ATP4A: variants seen among roughly 807,000 people sequenced by gnomAD.
ATP4A encodes potassium-transporting ATPase alpha chain 1.
A neutral mutation model predicts 112.1 loss-of-function variants in ATP4A; 73 were observed. The ratio of observed to expected loss-of-function variants is 0.65; its 90% confidence interval spans 0.54 to 0.79. The LOEUF is 0.79. Ranked by LOEUF, ATP4A falls within the 30% of genes least tolerant of loss-of-function variation. The probability of loss-of-function intolerance (pLI) is 0.00; values close to 1 mark genes in which losing one functional copy is unlikely to be tolerated. For synonymous variants in ATP4A, 588 were observed against 588.9 expected, an observed-to-expected ratio of 1.00 and a Z score of 0.02; for missense variants, 1,081 against 1,425.9, an observed-to-expected ratio of 0.76 and a Z score of 3.90.
At position 35,558,431 on chromosome 19, in the gene ATP4A, G is replaced by A; in HGVS notation, c.1431C>T (p.Asn477=). ...GGAAGCGGTCCCGGTAGCCCATGGC[G>A]TTGCCCAGCGTCAGCTCCGAGAACT... ...LLKFSELTLG[N]AMGYRDRFPK... Residue 477 remains asparagine (N), a synonymous_variant, in exon 10 of 22, where the codon AAC becomes AAT. Coordinates refer to ENST00000262623, the MANE Select transcript of ATP4A (RefSeq NM_000704.3). The surrounding 1 kb of genome is among the most constrained non-coding windows in gnomAD (Gnocchi z 5.1). The A allele has an allele frequency of 6.2e-7, 1 of 1,607,400 alleles. No homozygotes were observed. Among genetic ancestry groups the A allele is most frequent in the Non-Finnish European group, 8.5e-7 (1 of 1,177,312 alleles).
In ATP4A at chr19:35,553,809, T is replaced by C; in HGVS notation, c.2502A>G (p.Ala834=). The C allele has an allele frequency of 6.3e-7, 1 of 1,587,512 alleles. No homozygotes were observed. The highest frequency in any genetic ancestry group is 8.6e-7 in the Non-Finnish European group (1 of 1,166,702). ...TGATGTCACTCTCGGCCTTTTCATA[T>C]GCCAGGGACACAGATGGGAACTGGC... The part of the protein sequence containing the change: ...CTDIFPSVSL[A]YEKAESDIMH... The change falls in exon 17 of 22, where the codon GCA becomes GCG. Residue 834 remains alanine, a synonymous_variant. Transcript: ENST00000262623.
At position 35,555,628 on chromosome 19, in the gene ATP4A, T is replaced by C. The variant is rs1219791118; in HGVS notation, c.2007-38A>G. ...TGGGAGGACCTCGCTGGGACCTCGG[T>C]CTGTGCCAGATGTGGGGAGAACCCC... On this transcript the variant is annotated intron_variant, in intron 13 of 21. Coordinates refer to ENST00000262623, the MANE Select transcript of ATP4A (RefSeq NM_000704.3). This position sits in a 1 kb window ranked among gnomAD's most constrained non-coding sequence, Gnocchi z 6.6. 1.3e-6 allele frequency: 2 copies of C among 1,581,646 alleles called. No individual in the cohort carries two copies. Among genetic ancestry groups the C allele is most frequent in the East Asian group, 4.5e-5 (2 of 44,262 alleles).
In ATP4A at chr19:35,558,023, A is replaced by G; in HGVS notation, c.1501-176T>C. ...GGCCTTGTGTGGAGGGGTCCTTGGT[A>G]GAAGGTAAGCGTTAAGGCGGGGCTA... On this transcript the variant is annotated intron_variant, in intron 10 of 21. Coordinates refer to ENST00000262623, the MANE Select transcript of ATP4A (RefSeq NM_000704.3). The surrounding 1 kb of genome is among the most constrained non-coding windows in gnomAD (Gnocchi z 5.1). The G allele has an allele frequency of 1.6e-6, 1 of 627,480 alleles. No individual in the cohort carries two copies. The highest frequency in any genetic ancestry group is 2.7e-6 in the Non-Finnish European group (1 of 368,810). The allele number at this position is 627,480 out of a possible 1,614,324, so 38.9% of individuals were successfully genotyped here. A position where few individuals can be genotyped will look rare whatever the true frequency, so the allele number is the denominator to read the frequency against.
chr19:35,563,149 T>A, intron 3 of ATP4A, 60 bp downstream of exon 3: 1 of 1,551,322 alleles, frequency 6.4e-7, no homozygotes, highest in African/African-American at 1.4e-5. Flanking sequence ...CCTCCTTCCA[T>A]CTCCCTCTCC....
intron 17 of ATP4A, 35 bp downstream of exon 17, chr19:35,553,671 C>A: frequency 6.2e-7 from 1 of 1,609,956 alleles, no homozygotes; most frequent in Non-Finnish European, 8.5e-7. Flanking sequence ...CGCAGAGCCC[C>A]CCACCTCCAG....
chr19:35,557,168 A>AG lies in ATP4A; in HGVS notation c.1694-81dup. On this transcript the variant is annotated intron_variant, in intron 11 of 21. Coordinates refer to ENST00000262623, the MANE Select transcript of ATP4A (RefSeq NM_000704.3). This position sits in a 1 kb window ranked among gnomAD's most constrained non-coding sequence, Gnocchi z 4.4. The stretch of plus-strand genomic sequence containing the variant: ...GGGCCAGGAAATGGGTAAAATAACC[A>AG]GGCCCCTTGCACCAAACACCTATGG... The AG allele has an allele frequency of 6.5e-7, 1 of 1,527,126 alleles. No individual in the cohort carries two copies. Among genetic ancestry groups the AG allele is most frequent in the Non-Finnish European group, 9.0e-7 (1 of 1,113,598 alleles). 94.6% of individuals were successfully genotyped at this position (1,527,126 alleles called of 1,614,324 possible). A position where few individuals can be genotyped will look rare whatever the true frequency, so the allele number is the denominator to read the frequency against.
chr19:35,563,395 C>T lies in ATP4A; in HGVS notation c.145G>A (p.Glu49Lys), dbSNP rs759310167. ...RKEKLENMKK[E>K]MEINDHQLSV... ...CAGTCAGAGCTCACAATCTCCATCT[C>T]CTTCTTCATGTTCTCCAGCTTCTCC... Residue 49 changes from glutamate (E) to lysine (K), a missense_variant, in exon 2 of 22, where the codon GAG becomes AAG. By Grantham distance (56) the Glu-to-Lys change is moderately conservative (BLOSUM62 1). Transcript: ENST00000262623. 1.2e-6 allele frequency: 2 copies of T among 1,613,628 alleles called. No homozygotes were observed. Among genetic ancestry groups the T allele is most frequent in the Non-Finnish European group, 8.5e-7 (1 of 1,179,868 alleles).
At position 35,555,148 on chromosome 19, in the gene ATP4A, C is replaced by A; in HGVS notation, c.2326+18G>T. On this transcript the variant is annotated intron_variant, in intron 15 of 21. Transcript: ENST00000262623. This position sits in a 1 kb window ranked among gnomAD's most constrained non-coding sequence, Gnocchi z 6.6. ...CCTGTGCCCACACTGCCTGCCCTCC[C>A]CCTGGCGTGGCTCGGACCCTGCTCC... The A allele has an allele frequency of 6.2e-7, 1 of 1,614,148 alleles. No individual in the cohort carries two copies. Among genetic ancestry groups the A allele is most frequent in the Non-Finnish European group, 8.5e-7 (1 of 1,180,032 alleles).
At position 35,557,533 on chromosome 19, in the gene ATP4A, C is replaced by A. The variant is rs1031009631; in HGVS notation, c.1693+122G>T. ...GGAAAGTCAAGGGTGAGGCTGTGGA[C>A]TGCGACAAATCAGCCAGCAGCCAGG... On this transcript the variant is annotated intron_variant, in intron 11 of 21. Coordinates refer to ENST00000262623, the MANE Select transcript of ATP4A (RefSeq NM_000704.3). This position sits in a 1 kb window ranked among gnomAD's most constrained non-coding sequence, Gnocchi z 4.4. The A allele has an allele frequency of 6.5e-6, 8 of 1,228,400 alleles. No individual in the cohort carries two copies. Among genetic ancestry groups the A allele is most frequent in the African/African-American group, 4.5e-5 (3 of 66,134 alleles). The allele number at this position is 1,228,400 out of a possible 1,614,324, so 76.1% of individuals were successfully genotyped here.
At position 35,560,661 on chromosome 19, in the gene ATP4A, G is replaced by T; in HGVS notation, c.535-46C>A. ...AGTTGAGGTGGACGGGGGTGGGGGT[G>T]GGAGCTGCTGCATGTGGGGAGGTAA... On this transcript the variant is annotated intron_variant, in intron 5 of 21. Transcript: ENST00000262623. This position sits in a 1 kb window ranked among gnomAD's most constrained non-coding sequence, Gnocchi z 5.1. The T allele has an allele frequency of 2.5e-6, 4 of 1,572,666 alleles. No individual in the cohort carries two copies. The highest frequency in any genetic ancestry group is 1.1e-5 in the South Asian group (1 of 88,510).
At position 35,556,907 on chromosome 19, in the gene ATP4A, G is replaced by C; in HGVS notation, c.1869+6C>G. ...ACTCCACTTGTTCCTCCCCACAGTG[G>C]CATACCCGGATGCCTGCGGTGCGAC... On this transcript the variant is annotated splice_donor_region_variant and intron_variant, in intron 12 of 21. Coordinates refer to ENST00000262623, the MANE Select transcript of ATP4A (RefSeq NM_000704.3). 1 of 1,612,704 alleles carries C rather than the reference G, an allele frequency of 6.2e-7. No individual in the cohort carries two copies. The highest frequency in any genetic ancestry group is 8.5e-7 in the Non-Finnish European group (1 of 1,178,946).
At position 35,559,419 on chromosome 19, in the gene ATP4A, G is replaced by A. The variant is rs1445541354; in HGVS notation, c.1057-228C>T. 3.3e-5 allele frequency among the ~76,000 whole-genome samples: 5 copies of A among 152,240 alleles called. No individual in the cohort carries two copies. The highest frequency in any genetic ancestry group is 1.3e-4 in the Admixed American group (2 of 15,284). On this transcript the variant is annotated intron_variant, in intron 7 of 21. Transcript: ENST00000262623. The surrounding 1 kb of genome is among the most constrained non-coding windows in gnomAD (Gnocchi z 4.1). ...CAGTAGCGAGGCCCCTCTCTGAGCTGTCCCAGCCGAGGTTCTGAAAATTCT... is the reference window on the plus strand; with the variant it reads ...CAGTAGCGAGGCCCCTCTCTGAGCTATCCCAGCCGAGGTTCTGAAAATTCT...
rs140993241 is a variant in ATP4A, at chr19:35,563,445, G to A, written c.95C>T (p.Ala32Val). 1.1e-4 allele frequency: 143 copies of A among 1,351,980 alleles called. No individual in the cohort carries two copies. Among genetic ancestry groups the A allele is most frequent in the Middle Eastern group, 2.0e-4 (1 of 4,932 alleles). The allele number at this position is 1,351,980 out of a possible 1,614,324, so 83.7% of individuals were successfully genotyped here. A position where few individuals can be genotyped will look rare whatever the true frequency, so the allele number is the denominator to read the frequency against. ...MAAKMSKKKK[A>V]GGGGGKRKEK... The stretch of plus-strand genomic sequence containing the variant: ...CTTCCTCTTGCCACCCCCGCCACCC[G>A]CCTTCTTCTTCTTGCTCATCTTGGC... The change falls in exon 2 of 22, where the codon GCG becomes GTG. Residue 32 changes from alanine to valine, a missense_variant. Physicochemically the swap from Ala to Val is moderately conservative, Grantham distance 64 (BLOSUM62 0). Coordinates refer to ENST00000262623, the MANE Select transcript of ATP4A (RefSeq NM_000704.3).
rs751871819 is a variant in ATP4A at position 35,563,417 on chromosome 19, C to T, written c.123G>A (p.Glu41=). Residue 41 remains glutamate (E), a synonymous_variant, in exon 2 of 22, where the codon GAG becomes GAA. Coordinates refer to ENST00000262623, the MANE Select transcript of ATP4A (RefSeq NM_000704.3). ...KAGGGGGKRK[E]KLENMKKEME... The stretch of plus-strand genomic sequence containing the variant: ...TCTCCTTCTTCATGTTCTCCAGCTT[C>T]TCCTTCCTCTTGCCACCCCCGCCAC... The T allele has an allele frequency of 6.2e-7, 1 of 1,613,674 alleles. No homozygotes were observed. Among genetic ancestry groups the T allele is most frequent in the African/African-American group, 1.3e-5 (1 of 74,908 alleles).
At position 35,562,634 on chromosome 19, in the gene ATP4A, A is replaced by G. The variant is rs1478641421; in HGVS notation, c.221T>C (p.Leu74Pro). The G allele has an allele frequency of 2.5e-6, 4 of 1,594,112 alleles. No homozygotes were observed. In the African/African-American group the frequency reaches 5.4e-5, roughly 21 times the overall value. Residue 74 changes from leucine to proline, a missense_variant, in exon 4 of 22, where the codon CTC (leucine) becomes CCC (proline). Leu to Pro is a moderately conservative substitution (Grantham distance 98). Around this residue, in one of 3 missense-constraint regions of ATP4A, gnomAD observed 850 missense variants for 1,068.2 expected, o/e 0.80. Coordinates refer to ENST00000262623, the MANE Select transcript of ATP4A (RefSeq NM_000704.3). Reference protein sequence around the residue: ...QKYQTSATKGLSASLAAELLL... With the variant: ...QKYQTSATKGPSASLAAELLL... ...CAGCTCAGCAGCCAGGCTCGCAGAG[A>G]GGCCCTGGGACAGAGGGGCAGGGCG...
intron 3 of ATP4A, 130 bp downstream of exon 3, chr19:35,563,075 CCTCT>C (rs1041328263): frequency 2.3e-5 from 22 of 963,434 alleles, no homozygotes; most frequent in Middle Eastern, 3.5e-4. Context: ...TGCCTCCCTC[CCTCT>C]CTCTATTTCT....
rs909604827 is a variant in ATP4A at position 35,551,975 on chromosome 19, G to C, written c.2752-395C>G. On this transcript the variant is annotated intron_variant, in intron 18 of 21. Transcript: ENST00000262623. The surrounding 1 kb of genome is among the most constrained non-coding windows in gnomAD (Gnocchi z 5.2). ...GGCAAAAATAGGTGAGGCAGTCACC[G>C]CGGGCCTTTGGGAAAAGAGGGCAGA... is the stretch of plus-strand genomic sequence containing the variant. 1.3e-5 allele frequency among the ~76,000 whole-genome samples: 2 copies of C among 152,154 alleles called. No homozygotes were observed. The highest frequency in any genetic ancestry group is 2.9e-5 in the Non-Finnish European group (2 of 68,014).
At position 35,559,040 on chromosome 19, in the gene ATP4A, C is replaced by T. The variant is rs746125854; in HGVS notation, c.1208G>A (p.Trp403Ter). 6.2e-7 allele frequency: 1 copy of T among 1,614,212 alleles called. No individual in the cohort carries two copies. Among genetic ancestry groups the T allele is most frequent in the South Asian group, 1.1e-5 (1 of 91,084 alleles). ...AGCTGTGTGGATGTGGTTGTCAAAC[C>T]ACAGATGGGACACAGTCATGCGGTT... ...TQNRMTVSHLWFDNHIHTADT... is the reference protein window; with the variant it reads ...TQNRMTVSHL Residue 403 changes from tryptophan to a stop codon, truncating the protein, a stop_gained, in exon 8 of 22, where the codon TGG (tryptophan) becomes TAG (stop). Transcript: ENST00000262623. LOFTEE classifies it high-confidence loss of function. This position sits in a 1 kb window ranked among gnomAD's most constrained non-coding sequence, Gnocchi z 4.1.
chr19:35,562,582 C>A lies in ATP4A; in HGVS notation c.273G>T (p.Leu91=), dbSNP rs1191132783. The A allele has an allele frequency of 4.3e-6, 7 of 1,611,352 alleles. No individual in the cohort carries two copies. Among genetic ancestry groups the A allele is most frequent in the Non-Finnish European group, 5.9e-6 (7 of 1,179,130 alleles). The stretch of plus-strand genomic sequence containing the variant: ...ACTCTGGGGTGCCCCGTGGTGGCCG[C>A]AGTGCGTTGGGCCCATCCCGCAGCA... ...ELLLRDGPNA[L]RPPRGTPEYV... The change falls in exon 4 of 22, where the codon CTG becomes CTT. Residue 91 remains leucine (L), a synonymous_variant. Coordinates refer to ENST00000262623, the MANE Select transcript of ATP4A (RefSeq NM_000704.3).
Sources: gnomAD v4.1 joint callset for allele counts (sites outside exome capture counted in the v4.1 genomes callset) on GRCh38, gnomAD v4.1.1 for gene constraint, gnomAD v4.1.1 regional missense constraint, Gnocchi (gnomAD v3.1) non-coding constraint, MANE v1.5 for transcripts, NCBI Gene and HGNC (gene_info 2026-07-23, HGNC 2026-07-21) for gene names.